The following ACADM variants were observed in gnomAD, a reference collection of about 807,000 sequenced individuals.
The protein encoded by ACADM is medium-chain specific acyl-CoA dehydrogenase, mitochondrial.
In ACADM, 49 loss-of-function variants were observed where a neutral mutation model predicts 58.9. That is an observed-to-expected ratio of 0.83 (90% CI 0.66 to 1.06). The LOEUF (loss-of-function observed/expected upper bound fraction) is 1.06. Ranked by LOEUF, ACADM falls within the 50% of genes least tolerant of loss-of-function variation. ACADM has a pLI of 0.00. For missense variants in ACADM, 496 were observed against 507.0 expected (o/e 0.98, Z 0.21); for synonymous variants, 160 against 157.7 (o/e 1.01, Z -0.11).
intron 8 of ACADM, 69 bp from the exon 9 acceptor site, chr1:75,749,350 C>T: frequency 6.5e-7 from 1 of 1,532,418 alleles, no homozygotes; most frequent in Non-Finnish European, 9.0e-7. Context: ...AGTCATGAAA[C>T]AGTGATTAAA....
At chr1:75,749,037 G>A (rs1006280869) in intron 8 of ACADM, among the ~76,000 whole-genome samples, 5 of 152,152 alleles carry the variant, frequency 3.3e-5, no homozygotes, top group Non-Finnish European at 7.3e-5. Context: ...AACATATAAT[G>A]AGATTTGTCT....
intron 6 of ACADM, among the ~76,000 whole-genome samples, chr1:75,735,374 G>T (rs1382257427): frequency 6.7e-6 from 1 of 149,880 alleles, no homozygotes; most frequent in Non-Finnish European, 1.5e-5. Context: ...ATTTCCAGGA[G>T]AAGAGAGATC....
At chr1:75,751,355 T>C (rs905348019) in intron 10 of ACADM, among the ~76,000 whole-genome samples, 4 of 151,654 alleles carry the variant, frequency 2.6e-5, no homozygotes, top group African/African-American at 7.3e-5. Context: ...AGAAAATATA[T>C]ATATATTTTC....
At position 75,740,122 on chromosome 1, in the gene ACADM, A is replaced by G. The variant is rs1403181967; in HGVS notation, c.599+12A>G. 2 of 1,606,128 alleles carry G rather than the reference A, an allele frequency of 1.2e-6. No homozygotes were observed. The highest frequency in any genetic ancestry group is 1.7e-4 in the Middle Eastern group (1 of 6,026). ...GGAAAAGCTAATTGGTATGTTGTTC[A>G]AAACATCTTTGTATATTTTTTCTTA... On this transcript the variant is annotated intron_variant, in intron 7 of 11. Transcript: ENST00000370841.
intron 7 of ACADM, among the ~76,000 whole-genome samples, chr1:75,740,801 C>G (rs1313339576): frequency 6.6e-6 from 1 of 152,090 alleles, no homozygotes; most frequent in African/African-American, 2.4e-5. Context: ...GGTGACAGTT[C>G]TGGGCAACAC....
Position 75,745,907 on chromosome 1 carries a change from G to C in ACADM, c.701G>C (p.Gly234Ala). 6.2e-7 allele frequency: 1 copy of C among 1,607,822 alleles called. No individual in the cohort carries two copies. The highest frequency in any genetic ancestry group is 8.5e-7 in the Non-Finnish European group (1 of 1,174,536). The change falls in exon 8 of 12, where the codon GGG (glycine) becomes GCG (alanine). Residue 234 changes from glycine (G) to alanine (A), a missense_variant. Coordinates refer to ENST00000370841, the MANE Select transcript of ACADM (RefSeq NM_000016.6). ...VEADTPGIQIGRKELNMGQRC... is the reference protein window; with the variant it reads ...VEADTPGIQIARKELNMGQRC... ...GCAGATACCCCAGGAATTCAGATTG[G>C]GAGAAAGGTAAAGTATTTATTAATG...
At chr1:75,738,769 T>G (rs1647410082) in intron 6 of ACADM, among the ~76,000 whole-genome samples, 1 of 152,012 alleles carries the variant, frequency 6.6e-6, no homozygotes, top group African/African-American at 2.4e-5. Flanking sequence ...CTTTGGACTG[T>G]AAGTACCTTA....
intron 6 of ACADM, among the ~76,000 whole-genome samples, chr1:75,736,164 A>G (rs1004110551): frequency 1.1e-5 from 1 of 93,076 alleles, no homozygotes; most frequent in Non-Finnish European, 2.1e-5. Flanking sequence ...ATAAATACAC[A>G]CACAGACATA....
intron 1 of ACADM, among the ~76,000 whole-genome samples, 162 bp downstream of exon 1, chr1:75,724,979 A>G (rs558964981): frequency 5.9e-4 from 90 of 152,220 alleles, no homozygotes; most frequent in African/African-American, 2.0e-3. Flanking sequence ...GCCTCCTACC[A>G]CCGGACGGAA....
chr1:75,752,745 A>C (rs1304959384), intron 10 of ACADM, among the ~76,000 whole-genome samples: 3 of 151,924 alleles, frequency 2.0e-5, no homozygotes. Flanking sequence ...TGTTATCTTC[A>C]ATTCTTTGGG....
At chr1:75,732,258 C>G (rs1262616224) in intron 2 of ACADM, among the ~76,000 whole-genome samples, 1 of 151,962 alleles carries the variant, frequency 6.6e-6, no homozygotes, top group South Asian at 2.1e-4. Context: ...TAGATTGATT[C>G]TTGTCGTCAG....
rs762165843 is a variant in ACADM at position 75,732,779 on chromosome 1, C to T, written c.216+38C>T. 5.6e-6 allele frequency: 9 copies of T among 1,602,722 alleles called. No individual in the cohort carries two copies. In the Admixed American group the frequency reaches 1.3e-4, roughly 24 times the overall value. ...ATTTTAAAGAGGGAAAAATCTTTTA[C>T]ATTTTTTACAAGATTATGTAATCAA... On this transcript the variant is annotated intron_variant, in intron 3 of 11. Coordinates refer to ENST00000370841, the MANE Select transcript of ACADM (RefSeq NM_000016.6).
intron 7 of ACADM, chr1:75,744,093 T>C (rs1378207096): frequency 1.9e-6 from 3 of 1,588,748 alleles, no homozygotes; most frequent in Non-Finnish European, 2.6e-6. Context: ...TGCCGCATCC[T>C]GTTCATTTTC....
chr1:75,753,910 C>G (rs1469489426), intron 10 of ACADM, among the ~76,000 whole-genome samples: 1 of 147,394 alleles, frequency 6.8e-6, no homozygotes, highest in African/African-American at 2.5e-5. Flanking sequence ...ATCCTCCTAC[C>G]TTAGCCTCCT....
intron 10 of ACADM, 68 bp from the exon 11 acceptor site, chr1:75,761,054 A>G: frequency 6.8e-7 from 1 of 1,474,914 alleles, no homozygotes; most frequent in East Asian, 2.5e-5. Context: ...AAAAATGAAA[A>G]AGCCCCAGGA....
In ACADM at chr1:75,733,146, C is replaced by A. The variant is rs535952185; in HGVS notation, c.286+224C>A. ...TTCCAACCTTAACTTGCACCTAAAC[C>A]TTGGTAACTTCCGTTTCTAGAGTTG... On this transcript the variant is annotated intron_variant, in intron 4 of 11. Transcript: ENST00000370841. 219 of 1,612,584 alleles carry A rather than the reference C, an allele frequency of 1.4e-4. No individual in the cohort carries two copies. The highest frequency in any genetic ancestry group is 1.8e-4 in the Non-Finnish European group (211 of 1,179,836).
intron 7 of ACADM, chr1:75,744,086 C>T (rs771283021): frequency 6.9e-6 from 11 of 1,588,312 alleles, no homozygotes; most frequent in African/African-American, 4.0e-5. Flanking sequence ...AATGCACTGC[C>T]GCATCCTGTT....
intron 10 of ACADM, among the ~76,000 whole-genome samples, chr1:75,752,110 ATAACTG>A (rs1455159964): frequency 6.6e-6 from 1 of 151,442 alleles, no homozygotes; most frequent in Non-Finnish European, 1.5e-5. Flanking sequence ...AGCCTCCTAA[ATAACTG>A]GAACTATAGG....
At chr1:75,736,247 CTTG>C (rs1647261817) in intron 6 of ACADM, among the ~76,000 whole-genome samples, 1 of 150,918 alleles carries the variant, frequency 6.6e-6, no homozygotes, top group African/African-American at 2.4e-5. Context: ...ATTTTTACTT[CTTG>C]TTTACTCAAA....
Sources: allele counts gnomAD v4.1 joint callset (sites outside exome capture counted in the v4.1 genomes callset), GRCh38; gene constraint gnomAD v4.1.1; transcripts MANE v1.5; gene names NCBI Gene and HGNC (gene_info 2026-07-23, HGNC 2026-07-21).